Variants in CWC27 observed in about 807,000 individuals in gnomAD.
CWC27 encodes spliceosome-associated protein CWC27 homolog.
CWC27 carries 47 observed loss-of-function variants against 63.6 expected under a neutral mutation model. That is an observed-to-expected ratio of 0.74 (90% CI 0.58 to 0.94). CWC27 has a LOEUF of 0.94. Among genes scored for constraint, CWC27 ranks in the 40% least tolerant of loss-of-function variants. The pLI is 0.00. For synonymous variants in CWC27, 175 were observed against 179.8 expected (o/e 0.97, Z 0.22); for missense variants, 495 against 554.3 (o/e 0.89, Z 1.07).
At chr5:64,987,386 C>CCAATTTGT (rs775153269) in intron 13 of CWC27, among the ~76,000 whole-genome samples, 11 of 152,076 alleles carry the variant, frequency 7.2e-5, no homozygotes, top group Non-Finnish European at 1.5e-4. Flanking sequence ...TGTATTCTAG[C>CCAATTTGT]CAATTTGTGT....
At chr5:64,771,170 C>T (rs1000413735) in intron 1 of CWC27, among the ~76,000 whole-genome samples, 2 of 152,158 alleles carry the variant, frequency 1.3e-5, no homozygotes, top group Non-Finnish European at 2.9e-5. Context: ...CAGCATAAGG[C>T]TCATCAAAGA....
rs560261379 is a variant in CWC27, at chr5:64,837,682, A to G, written c.938+33296A>G. 9.2e-5 allele frequency among the ~76,000 whole-genome samples: 14 copies of G among 152,034 alleles called. No individual in the cohort carries two copies. In the East Asian group the frequency reaches 2.5e-3, roughly 27 times the overall value. ...TTTTACCACTGTATTTTCCATTTTG[A>G]CATTAAAAAAAAAGCCAAACCTCAC... is the stretch of plus-strand genomic sequence containing the variant. On this transcript the variant is annotated intron_variant, in intron 10 of 13. Coordinates refer to ENST00000381070, the MANE Select transcript of CWC27 (RefSeq NM_005869.4).
chr5:64,791,454 C>CT (rs34353110), intron 7 of CWC27, among the ~76,000 whole-genome samples: 11 of 149,788 alleles, frequency 7.3e-5, no homozygotes, highest in East Asian at 1.9e-4. Flanking sequence ...ATAGTGCTGT[C>CT]TTTTTTTTTT....
intron 10 of CWC27, among the ~76,000 whole-genome samples, chr5:64,840,411 AT>A (rs1745799706): frequency 8.0e-5 from 7 of 87,524 alleles, no homozygotes; most frequent in South Asian, 3.7e-4. Context: ...ATATATATAT[AT>A]ATATATATAT....
chr5:64,891,771 T>TTTGTTGTTGTTGTTGTTGTTGATGTTG (rs1554022292), intron 11 of CWC27, among the ~76,000 whole-genome samples: 11 of 147,634 alleles, frequency 7.5e-5, no homozygotes, highest in Admixed American at 1.4e-4. Flanking sequence ...CTTGGGATAC[T>TTTGTTGTTGTTGTTGTTGTTGATGTTG]TTGTTGTTGT....
intron 10 of CWC27, among the ~76,000 whole-genome samples, chr5:64,865,431 AT>A (rs1475649555): frequency 6.6e-6 from 1 of 152,068 alleles, no homozygotes; most frequent in African/African-American, 2.4e-5. Flanking sequence ...GTATAAATAT[AT>A]AAAGGGAAAG....
chr5:64,897,815 A>C (rs1747415922), intron 11 of CWC27, among the ~76,000 whole-genome samples: 2 of 152,224 alleles, frequency 1.3e-5, no homozygotes, highest in Non-Finnish European at 2.9e-5. Context: ...ATCTCCACAT[A>C]ACACAGAAAC....
At chr5:64,974,374 G>T (rs1749185443) in intron 12 of CWC27, among the ~76,000 whole-genome samples, 1 of 152,324 alleles carries the variant, frequency 6.6e-6, no homozygotes, top group South Asian at 2.1e-4. Flanking sequence ...GGCTGAGGAG[G>T]TCTCACAATC....
At chr5:64,886,401 A>C (rs1255099490) in intron 11 of CWC27, among the ~76,000 whole-genome samples, 1 of 152,170 alleles carries the variant, frequency 6.6e-6, no homozygotes, top group Non-Finnish European at 1.5e-5. Flanking sequence ...AGTTTGATAC[A>C]TTTGATACTA....
chr5:64,940,600 C>G (rs1269351024), intron 11 of CWC27, among the ~76,000 whole-genome samples: 1 of 152,080 alleles, frequency 6.6e-6, no homozygotes, highest in Admixed American at 6.5e-5. Context: ...TTTTAGTATT[C>G]ACCAGTGATT....
At position 64,955,004 on chromosome 5, in the gene CWC27, G is replaced by A. The variant is rs190189688; in HGVS notation, c.1043-16699G>A. Among the ~76,000 whole-genome samples the A allele has an allele frequency of 1.2e-4, 19 of 152,042 alleles. No individual in the cohort carries two copies. The East Asian group carries it at 2.5e-3, about 20-fold the overall frequency. On this transcript the variant is annotated intron_variant, in intron 11 of 13. Transcript: ENST00000381070. The stretch of plus-strand genomic sequence containing the variant: ...TTTTCTATGTTTCTCTCAATTATGA[G>A]TTTTATTGGTACTTTGGAAATAGGA...
intron 11 of CWC27, among the ~76,000 whole-genome samples, chr5:64,914,464 G>A (rs935479538): frequency 2.0e-5 from 3 of 151,950 alleles, no homozygotes; most frequent in Non-Finnish European, 4.4e-5. Flanking sequence ...AAAGAAAAAC[G>A]GGCAAGAGAC....
intron 13 of CWC27, among the ~76,000 whole-genome samples, chr5:65,013,861 A>G (rs937280271): frequency 6.6e-6 from 1 of 152,194 alleles, no homozygotes; most frequent in Non-Finnish European, 1.5e-5. Context: ...AGTAATTTAA[A>G]TTCATTTAAA....
intron 13 of CWC27, among the ~76,000 whole-genome samples, chr5:65,003,170 C>T (rs117657138): frequency 1.3e-5 from 2 of 152,134 alleles, no homozygotes; most frequent in South Asian, 2.1e-4. Flanking sequence ...TCAGTCTATA[C>T]GTGTCTTTAC....
intron 11 of CWC27, among the ~76,000 whole-genome samples, chr5:64,954,545 C>G (rs1165662325): frequency 6.6e-6 from 1 of 151,056 alleles, no homozygotes; most frequent in Non-Finnish European, 1.5e-5. Flanking sequence ...TTAGCCTCCC[C>G]AAATTCTGGG....
chr5:65,011,353 A>T (rs1269276821), intron 13 of CWC27, among the ~76,000 whole-genome samples: 1 of 152,230 alleles, frequency 6.6e-6, no homozygotes, highest in African/African-American at 2.4e-5. Context: ...CAAGACCAGA[A>T]GAGGGTCTTA....
chr5:64,978,119 A>G (rs1749263453), intron 13 of CWC27, among the ~76,000 whole-genome samples: 1 of 152,246 alleles, frequency 6.6e-6, no homozygotes, highest in African/African-American at 2.4e-5. Context: ...TCAGGAAACC[A>G]GTCAGCAAGA....
chr5:64,779,973 C>A (rs1048256771), intron 2 of CWC27, among the ~76,000 whole-genome samples: 2 of 152,162 alleles, frequency 1.3e-5, no homozygotes, highest in African/African-American at 4.8e-5. Flanking sequence ...GCCTCCCCAG[C>A]AATGTGGGAC....
chr5:64,857,057 G>T (rs754234879), intron 10 of CWC27, among the ~76,000 whole-genome samples: 4 of 152,150 alleles, frequency 2.6e-5, no homozygotes, highest in African/African-American at 7.2e-5. Context: ...CCCTGAAAAG[G>T]TACCATATTG....
Sources: allele counts gnomAD v4.1 joint callset (sites outside exome capture counted in the v4.1 genomes callset), GRCh38; gene constraint gnomAD v4.1.1; transcripts MANE v1.5; gene names NCBI Gene and HGNC (gene_info 2026-07-23, HGNC 2026-07-21).